DCUN1D4: variants seen among roughly 807,000 people sequenced by gnomAD.
The protein encoded by DCUN1D4 is defective in cullin neddylation 1 domain containing 4.
A neutral mutation model predicts 47.9 loss-of-function variants in DCUN1D4; 22 were observed. That is an observed-to-expected ratio of 0.46 (90% CI 0.33 to 0.66). The LOEUF is 0.66. Ranked by LOEUF, DCUN1D4 falls within the 30% of genes least tolerant of loss-of-function variation. The pLI is 0.02. For missense variants in DCUN1D4, 301 were observed against 340.8 expected (o/e 0.88, Z 0.92); for synonymous variants, 121 against 112.2 (o/e 1.08, Z -0.50).
intron 8 of DCUN1D4, among the ~76,000 whole-genome samples, chr4:51,908,731 T>C (rs895937158): frequency 1.3e-5 from 2 of 152,020 alleles, no homozygotes; most frequent in Admixed American, 1.3e-4. Flanking sequence ...TGCGAGTGTC[T>C]CCAATTTTGA....
chr4:51,877,451 A>G (rs866712286), intron 4 of DCUN1D4: 5 of 173,254 alleles, frequency 2.9e-5, no homozygotes, highest in African/African-American at 4.8e-5. Flanking sequence ...ATATCTCACC[A>G]TTATTTTGTA....
chr4:51,844,952 C>T (rs1241537922), intron 1 of DCUN1D4: 1 of 985,504 alleles, frequency 1.0e-6, no homozygotes, highest in Non-Finnish European at 1.2e-6. Flanking sequence ...TTCCCAGGGA[C>T]GGAGCGACTC....
At chr4:51,874,145 C>T in intron 3 of DCUN1D4, 126 bp from the exon 4 acceptor site, 1 of 499,640 alleles carries the variant, frequency 2.0e-6, no homozygotes, top group South Asian at 6.3e-5. Context: ...CCCATCTTTT[C>T]TTTAACATCT....
intron 10 of DCUN1D4, 27 bp downstream of exon 10, chr4:51,913,419 A>G (rs763871991): frequency 6.3e-7 from 1 of 1,588,050 alleles, no homozygotes; most frequent in Non-Finnish European, 8.6e-7. Flanking sequence ...CCATTCTGCC[A>G]TTCGTGTACA....
chr4:51,876,879 T>A (rs1727793296), intron 4 of DCUN1D4, among the ~76,000 whole-genome samples: 1 of 152,224 alleles, frequency 6.6e-6, no homozygotes, highest in South Asian at 2.1e-4. Context: ...TATTTATAAA[T>A]GCTTATATAC....
intron 6 of DCUN1D4, chr4:51,887,126 G>A: frequency 2.2e-6 from 1 of 452,966 alleles, no homozygotes; most frequent in Non-Finnish European, 4.4e-6. Context: ...TTTTGAGATG[G>A]AGTCTCGCAC....
intron 1 of DCUN1D4, among the ~76,000 whole-genome samples, chr4:51,855,942 G>T (rs534140022): frequency 6.6e-6 from 1 of 152,238 alleles, no homozygotes; most frequent in Middle Eastern, 3.4e-3. Context: ...AACAATTTTT[G>T]TTTTCTTTTC....
Position 51,877,787 on chromosome 4 carries a change from T to G in DCUN1D4, c.276T>G (p.Thr92=). 1 of 1,610,424 alleles carries G rather than the reference T, an allele frequency of 6.2e-7. No individual in the cohort carries two copies. The highest frequency in any genetic ancestry group is 2.2e-5 in the East Asian group (1 of 44,758). ...GCATGTATAGAAAATATGATTCGAC[T>G]AGAATAAAGACTGAAGAAGAAGCCT... The part of the protein sequence containing the change: ...HDSMYRKYDS[T]RIKTEEEAFS... The change falls in exon 5 of 11, where the codon ACT becomes ACG. Residue 92 remains threonine, a synonymous_variant. Transcript: ENST00000334635.
chr4:51,837,363 T>TA, the DCUN1D4 span, among the ~76,000 whole-genome samples: 1 of 152,184 alleles, frequency 6.6e-6, no homozygotes, highest in Non-Finnish European at 1.5e-5. Flanking sequence ...GCTACCCTGA[T>TA]AGTGATGTGT....
chr4:51,843,718 G>C, intron 1 of DCUN1D4: 1 of 1,224,240 alleles, frequency 8.2e-7, no homozygotes, highest in Non-Finnish European at 1.0e-6. Context: ...GCTGAGTGGT[G>C]CGGGCGGCTC....
rs1054621414 is a variant in DCUN1D4, at chr4:51,915,288, C to A, written c.*1704C>A. On this transcript the variant is annotated 3_prime_UTR_variant, in exon 11 of 11. Transcript: ENST00000334635. ...TGATATAGTAGAATGCAACTACTTT[C>A]TTTTTCTACCAAACGAAAGGTTTTA... The A allele has an allele frequency of 6.6e-6, 1 of 152,502 alleles. No homozygotes were observed. Among genetic ancestry groups the A allele is most frequent in the Non-Finnish European group, 1.5e-5 (1 of 68,004 alleles). 9.4% of individuals were successfully genotyped at this position (152,502 alleles called of 1,614,324 possible). A position where few individuals can be genotyped will look rare whatever the true frequency, so the allele number is the denominator to read the frequency against.
intron 1 of DCUN1D4, among the ~76,000 whole-genome samples, chr4:51,858,946 T>A (rs1419253175): frequency 6.6e-6 from 1 of 152,212 alleles, no homozygotes; most frequent in African/African-American, 2.4e-5. Flanking sequence ...TTTACCAGGC[T>A]CTGCTTTATA....
chr4:51,883,218 G>A (rs766936180), intron 5 of DCUN1D4, among the ~76,000 whole-genome samples: 2 of 152,186 alleles, frequency 1.3e-5, no homozygotes, highest in Non-Finnish European at 2.9e-5. Flanking sequence ...ACAAACCCAT[G>A]TGCGTAGGTG....
chr4:51,845,555 C>A (rs1195421332), intron 1 of DCUN1D4, among the ~76,000 whole-genome samples: 2 of 152,292 alleles, frequency 1.3e-5, no homozygotes, highest in East Asian at 3.9e-4. Context: ...TAAGTAGACT[C>A]CCTAAACGTC....
chr4:51,841,016 T>C (rs1721617953), upstream of DCUN1D4, among the ~76,000 whole-genome samples: 2 of 152,240 alleles, frequency 1.3e-5, no homozygotes, highest in Admixed American at 6.5e-5. Flanking sequence ...ACACCATGCA[T>C]ATGCCAGGCC....
upstream of DCUN1D4, among the ~76,000 whole-genome samples, chr4:51,841,003 T>C (rs1379359999): frequency 6.6e-6 from 1 of 152,232 alleles, no homozygotes; most frequent in Non-Finnish European, 1.5e-5. Flanking sequence ...TAAATTTTTA[T>C]GGACACCATG....
At chr4:51,870,964 C>G (rs1384090540) in intron 3 of DCUN1D4, among the ~76,000 whole-genome samples, 1 of 151,912 alleles carries the variant, frequency 6.6e-6, no homozygotes, top group Non-Finnish European at 1.5e-5. Flanking sequence ...CCTTCCCTTG[C>G]CTGGATCTGA....
intron 5 of DCUN1D4, among the ~76,000 whole-genome samples, chr4:51,878,622 T>C (rs1728051466): frequency 6.6e-6 from 1 of 152,054 alleles, no homozygotes; most frequent in Non-Finnish European, 1.5e-5. Context: ...CCTCAACCAC[T>C]CCCCTCTAAT....
At chr4:51,869,488 A>T (rs1324260495) in intron 3 of DCUN1D4, among the ~76,000 whole-genome samples, 1 of 152,238 alleles carries the variant, frequency 6.6e-6, no homozygotes. Flanking sequence ...AACATGAGAC[A>T]GTGAGATTTT....
Sources: gnomAD v4.1 joint callset for allele counts (sites outside exome capture counted in the v4.1 genomes callset) on GRCh38, gnomAD v4.1.1 for gene constraint, MANE v1.5 for transcripts, NCBI Gene and HGNC (gene_info 2026-07-23, HGNC 2026-07-21) for gene names.